PIGB: variants seen among roughly 807,000 people sequenced by gnomAD.
PIGB encodes the protein GPI alpha-1,2-mannosyltransferase 3.
In PIGB, 58 loss-of-function variants were observed where a neutral mutation model predicts 68.4. The observed-to-expected ratio is 0.85, with a 90% CI of 0.69 to 1.06. The LOEUF (loss-of-function observed/expected upper bound fraction) is 1.06. Among genes scored for constraint, PIGB ranks in the 50% least tolerant of loss-of-function variants. PIGB has a pLI of 0.00. For synonymous variants in PIGB, 219 were observed against 220.5 expected (o/e 0.99, Z 0.06); for missense variants, 634 against 655.8 (o/e 0.97, Z 0.36).
In PIGB at chr15:55,340,637, T is replaced by G. The variant is rs1303744263; in HGVS notation, c.872T>G (p.Leu291Trp). 1.2e-6 allele frequency: 2 copies of G among 1,611,748 alleles called. No individual in the cohort carries two copies. The highest frequency in any genetic ancestry group is 1.7e-6 in the Non-Finnish European group (2 of 1,178,870). ...TGGACTCTGGTTCAATTTAATTTTT[T>G]GAAATTTAACGTGCTGCAGAACTGG... is the stretch of plus-strand genomic sequence containing the variant. ...GQWTLVQFNFLKFNVLQNWGT... is the reference protein window; with the variant it reads ...GQWTLVQFNFWKFNVLQNWGT... Residue 291 changes from leucine to tryptophan, a missense_variant, in exon 8 of 12, where the codon TTG (leucine) becomes TGG (tryptophan). Coordinates refer to ENST00000164305, the MANE Select transcript of PIGB (RefSeq NM_004855.5).
intron 1 of PIGB, chr15:55,320,031 TTTAATA>T (rs2055127328): frequency 6.3e-6 from 2 of 318,008 alleles, no homozygotes; most frequent in Non-Finnish European, 1.1e-5. Flanking sequence ...TTGTATTTAT[TTTAATA>T]TTATCTTTAC....
At chr15:55,323,161 A>AT (rs1289944876) in intron 3 of PIGB, among the ~76,000 whole-genome samples, 1 of 152,204 alleles carries the variant, frequency 6.6e-6, no homozygotes, top group Non-Finnish European at 1.5e-5. Flanking sequence ...TCTCATATTG[A>AT]TTATTTTAAG....
At chr15:55,328,652 C>T (rs1252554453) in intron 4 of PIGB, among the ~76,000 whole-genome samples, 1 of 152,176 alleles carries the variant, frequency 6.6e-6, no homozygotes, top group Non-Finnish European at 1.5e-5. Context: ...GTCATGATGG[C>T]TTTGAAGTCC....
intron 1 of PIGB, 88 bp from the exon 2 acceptor site, chr15:55,320,187 G>T: frequency 1.5e-6 from 2 of 1,303,470 alleles, no homozygotes; most frequent in South Asian, 1.4e-5. Context: ...GCCTTACAAG[G>T]AGCCAACCAG....
chr15:55,334,619 C>T (rs4774764), intron 6 of PIGB, among the ~76,000 whole-genome samples: 48,816 of 152,012 alleles, frequency 0.32, 8,657 homozygotes, highest in East Asian at 0.56. Context: ...AATCATGCAC[C>T]GCATAATGAC....
chr15:55,329,694 C>T (rs768817766), intron 4 of PIGB, 30 bp from the exon 5 acceptor site: 1 of 1,576,110 alleles, frequency 6.3e-7, no homozygotes. Context: ...TTTCCAATTT[C>T]ATATATGTTT....
chr15:55,336,764 C>G (rs2255058), intron 6 of PIGB, among the ~76,000 whole-genome samples: 4,206 of 152,208 alleles, frequency 0.028, 181 homozygotes, highest in African/African-American at 0.096. Context: ...GAGGCAGGCA[C>G]ATCACCTGAG....
At chr15:55,347,194 G>A (rs563193641) in intron 9 of PIGB, among the ~76,000 whole-genome samples, 1 of 152,368 alleles carries the variant, frequency 6.6e-6, no homozygotes, top group Non-Finnish European at 1.5e-5. Flanking sequence ...AGCACTTTGG[G>A]AGGCTGTGGC....
intron 5 of PIGB, among the ~76,000 whole-genome samples, 171 bp from the exon 6 acceptor site, chr15:55,333,696 C>T (rs2055471733): frequency 6.6e-6 from 1 of 152,176 alleles, no homozygotes; most frequent in African/African-American, 2.4e-5. Context: ...CATGCCACTG[C>T]ACTCCAGCCT....
chr15:55,338,908 G>A (rs755851878), intron 6 of PIGB, among the ~76,000 whole-genome samples: 1 of 152,118 alleles, frequency 6.6e-6, no homozygotes, highest in Non-Finnish European at 1.5e-5. Flanking sequence ...ATTCATGAGC[G>A]ACCTCGAGCC....
Position 55,355,481 on chromosome 15 carries a change from C to G in PIGB, c.*49C>G. On this transcript the variant is annotated 3_prime_UTR_variant, in exon 12 of 12. Transcript: ENST00000164305. ...GCTGGGTGGAAATATTCAGATGCTG[C>G]TTAAATACTTCGGTAAACACTGGGT... The G allele has an allele frequency of 6.8e-7, 1 of 1,465,190 alleles. No homozygotes were observed. Among genetic ancestry groups the G allele is most frequent in the Non-Finnish European group, 9.4e-7 (1 of 1,065,340 alleles). The allele number at this position is 1,465,190 out of a possible 1,614,324, so 90.8% of individuals were successfully genotyped here.
chr15:55,347,557 A>G (rs917821197), intron 9 of PIGB, among the ~76,000 whole-genome samples: 2 of 152,252 alleles, frequency 1.3e-5, no homozygotes, highest in African/African-American at 4.8e-5. Context: ...GGCTCCCAGA[A>G]TATTACACAA....
chr15:55,349,331 C>T (rs2055873721), intron 9 of PIGB, among the ~76,000 whole-genome samples: 2 of 151,546 alleles, frequency 1.3e-5, no homozygotes, highest in Admixed American at 1.3e-4. Flanking sequence ...TACAGGTGCG[C>T]ACTATCACGC....
chr15:55,320,543 T>A, intron 2 of PIGB, 133 bp downstream of exon 2: 1 of 692,450 alleles, frequency 1.4e-6, no homozygotes, highest in Non-Finnish European at 2.4e-6. Flanking sequence ...AGTGGATGCT[T>A]GAAACTGTAG....
In PIGB at chr15:55,341,779, TA is replaced by T. The variant is rs1566955709; in HGVS notation, c.1101del (p.Leu367PhefsTer12). The T allele has an allele frequency of 6.8e-7, 1 of 1,464,840 alleles. No homozygotes were observed. The highest frequency in any genetic ancestry group is 1.4e-5 in the African/African-American group (1 of 70,932). 90.7% of individuals were successfully genotyped at this position (1,464,840 alleles called of 1,614,324 possible). On this transcript the variant is annotated frameshift_variant, in exon 9 of 12. Coordinates refer to ENST00000164305, the MANE Select transcript of PIGB (RefSeq NM_004855.5). LOFTEE classifies it high-confidence loss of function. ...GAATTCAGGTTTATTTATCCAGTTT[TA>T]CCATTCTGTATGGTGTTCTGTGGTA... ...HKEFRFIYPV[L>X]PFCMVFCGYS... is the part of the protein sequence containing the mutation.
chr15:55,350,984 C>G, intron 10 of PIGB, 72 bp downstream of exon 10: 1 of 759,984 alleles, frequency 1.3e-6, no homozygotes, highest in Non-Finnish European at 2.1e-6. Flanking sequence ...CTTTCAGATT[C>G]CTGGATTTGA....
intron 9 of PIGB, among the ~76,000 whole-genome samples, chr15:55,342,341 T>A (rs1030711536): frequency 6.6e-6 from 1 of 152,208 alleles, no homozygotes; most frequent in Non-Finnish European, 1.5e-5. Flanking sequence ...TTTAATGCTT[T>A]TACACACAAA....
chr15:55,326,146 G>A (rs1051614850), intron 3 of PIGB, among the ~76,000 whole-genome samples: 11 of 150,490 alleles, frequency 7.3e-5, no homozygotes, highest in East Asian at 5.8e-4. Flanking sequence ...GCAGTGAGCC[G>A]TGATCGTGCC....
chr15:55,344,866 C>G (rs906046276), intron 9 of PIGB, among the ~76,000 whole-genome samples: 5 of 150,822 alleles, frequency 3.3e-5, no homozygotes, highest in African/African-American at 1.2e-4. Context: ...CTTACTGGGC[C>G]ACTTTGTTTT....
Sources: gnomAD v4.1 joint callset for allele counts (sites outside exome capture counted in the v4.1 genomes callset) on GRCh38, gnomAD v4.1.1 for gene constraint, MANE v1.5 for transcripts, NCBI Gene and HGNC (gene_info 2026-07-23, HGNC 2026-07-21) for gene names.